The following ZNF365 variants were observed in gnomAD, a reference collection of about 807,000 sequenced individuals.
ZNF365 encodes protein ZNF365.
A neutral mutation model predicts 35.0 loss-of-function variants in ZNF365; 22 were observed. The observed-to-expected ratio is 0.63, with a 90% CI of 0.45 to 0.90. The LOEUF (loss-of-function observed/expected upper bound fraction) is 0.90. ZNF365 is among the 40% of genes least tolerant of loss of function. The pLI, the probability that ZNF365 is intolerant of heterozygous loss-of-function variation, is 0.00. For synonymous variants in ZNF365, 188 were observed against 196.2 expected (o/e 0.96, Z 0.35); for missense variants, 448 against 500.3 (o/e 0.90, Z 1.00).
intron 3 of ZNF365, among the ~76,000 whole-genome samples, chr10:62,398,410 G>A (rs1168419354): frequency 6.6e-6 from 1 of 152,150 alleles, no homozygotes; most frequent in East Asian, 1.9e-4. Flanking sequence ...GGATGCAAAG[G>A]CATTCCAGTA....
At chr10:62,415,844 G>A (rs1840065234) in intron 3 of ZNF365, among the ~76,000 whole-genome samples, 1 of 152,106 alleles carries the variant, frequency 6.6e-6, no homozygotes, top group South Asian at 2.1e-4. Flanking sequence ...ATTTGCAAAT[G>A]CCCCTAGGAA....
At position 62,451,787 on chromosome 10, in the gene ZNF365, A is replaced by G. The variant is rs116434400; in HGVS notation, c.925-7954A>G. Among the ~76,000 whole-genome samples, 1,206 of 152,272 alleles carry G rather than the reference A, an allele frequency of 7.9e-3. 16 individuals are homozygous for G. Among genetic ancestry groups the G allele is most frequent in the African/African-American group, 0.028 (1,159 of 41,540 alleles). ...GGTGCAGACCTGTAGAGGCAGCTCC[A>G]CAGCAGCATCCAGCTGACGCCACAG... On this transcript the variant is annotated intron_variant, in intron 3 of 4. Transcript: ENST00000395255.
intron 3 of ZNF365, among the ~76,000 whole-genome samples, chr10:62,449,431 G>A (rs1589459847): frequency 6.6e-6 from 1 of 152,134 alleles, no homozygotes; most frequent in East Asian, 1.9e-4. Flanking sequence ...TAAGCTATGC[G>A]CTTATTTTGC....
chr10:62,433,911 A>G (rs567279150), intron 3 of ZNF365, among the ~76,000 whole-genome samples: 10 of 152,278 alleles, frequency 6.6e-5, no homozygotes, highest in African/African-American at 2.4e-4. Context: ...AGGCTGGTAC[A>G]AGGGAAAGAA....
intron 4 of ZNF365, among the ~76,000 whole-genome samples, chr10:62,470,101 A>T (rs1438883944): frequency 6.6e-6 from 1 of 152,236 alleles, no homozygotes; most frequent in Non-Finnish European, 1.5e-5. Context: ...TTTGCCTATA[A>T]CTTTGGTTAG....
intron 3 of ZNF365, among the ~76,000 whole-genome samples, chr10:62,440,320 GGGT>G (rs1840478466): frequency 4.2e-4 from 1 of 2,406 alleles, no homozygotes; most frequent in Non-Finnish European, 6.4e-4. Context: ...ACGGGATGGG[GGGT>G]TTTTTCTACA....
chr10:62,441,243 T>C (rs969519219), intron 3 of ZNF365, among the ~76,000 whole-genome samples: 1 of 152,206 alleles, frequency 6.6e-6, no homozygotes. Flanking sequence ...TAAGGATGTC[T>C]GATTCTAAAG....
chr10:62,440,836 G>C (rs888983030), intron 3 of ZNF365, among the ~76,000 whole-genome samples: 1 of 152,120 alleles, frequency 6.6e-6, no homozygotes, highest in Non-Finnish European at 1.5e-5. Flanking sequence ...CTCAGTGCCT[G>C]GCAAAGTCCT....
At chr10:62,473,877 G>C (rs548750717) in intron 4 of ZNF365, among the ~76,000 whole-genome samples, 1 of 152,272 alleles carries the variant, frequency 6.6e-6, no homozygotes, top group Admixed American at 6.5e-5. Flanking sequence ...TTCAGTGGCT[G>C]GTTGACAGCA....
intron 3 of ZNF365, among the ~76,000 whole-genome samples, chr10:62,427,254 G>C (rs1369774255): frequency 6.6e-6 from 1 of 152,126 alleles, no homozygotes; most frequent in Non-Finnish European, 1.5e-5. Context: ...ATCTATGATG[G>C]CGGTCCCATG....
chr10:62,421,164 A>AGTCATCAACAATCTTATT (rs1184731589), intron 3 of ZNF365, among the ~76,000 whole-genome samples: 1 of 152,178 alleles, frequency 6.6e-6, no homozygotes, highest in African/African-American at 2.4e-5. Context: ...TTAATGTCTA[A>AGTCATCAACAATCTTATT]GTCATCAACA....
chr10:62,390,522 G>A (rs1284478049), intron 3 of ZNF365, among the ~76,000 whole-genome samples: 1 of 152,164 alleles, frequency 6.6e-6, no homozygotes, highest in Admixed American at 6.5e-5. Context: ...AAGAGACATA[G>A]CCAGTCATTA....
At chr10:62,392,554 A>G (rs1486802551) in intron 3 of ZNF365, among the ~76,000 whole-genome samples, 1 of 152,018 alleles carries the variant, frequency 6.6e-6, no homozygotes, top group Non-Finnish European at 1.5e-5. Context: ...GTTGTTAAGT[A>G]TTTGGCTTTA....
chr10:62,382,810 T>C (rs1839462810), intron 2 of ZNF365, among the ~76,000 whole-genome samples: 1 of 152,242 alleles, frequency 6.6e-6, no homozygotes, highest in African/African-American at 2.4e-5. Flanking sequence ...GTTGACGTTA[T>C]GGTCTGTCTG....
intron 3 of ZNF365, among the ~76,000 whole-genome samples, chr10:62,417,726 C>T (rs1305234193): frequency 1.3e-5 from 2 of 151,806 alleles, no homozygotes; most frequent in African/African-American, 4.8e-5. Context: ...TTCCAGGAAT[C>T]ACCTAGAGAG....
intron 3 of ZNF365, among the ~76,000 whole-genome samples, chr10:62,419,409 G>T (rs10822002): frequency 0.61 from 92,773 of 151,160 alleles, 29,123 homozygotes; most frequent in East Asian, 0.84. Context: ...TGAGCCAAAG[G>T]GAGGACAGCT....
chr10:62,479,290 T>C (rs529169314), intron 4 of ZNF365, among the ~76,000 whole-genome samples: 11 of 152,320 alleles, frequency 7.2e-5, no homozygotes, highest in Non-Finnish European at 1.5e-4. Context: ...ATTAGGAACA[T>C]AATCTGTCAT....
At chr10:62,417,854 G>A (rs544456763) in intron 3 of ZNF365, among the ~76,000 whole-genome samples, 106 of 151,684 alleles carry the variant, frequency 7.0e-4, no homozygotes, top group Non-Finnish European at 1.2e-3. Flanking sequence ...TGTGTGAAAG[G>A]GAAAGGGATA....
chr10:62,477,615 G>T (rs1435571781), intron 4 of ZNF365, among the ~76,000 whole-genome samples: 1 of 152,144 alleles, frequency 6.6e-6, no homozygotes. Context: ...TGCTGCATAT[G>T]ACCTCAAGTC....
Sources: allele counts gnomAD v4.1 joint callset (sites outside exome capture counted in the v4.1 genomes callset), GRCh38; gene constraint gnomAD v4.1.1; transcripts MANE v1.5; gene names NCBI Gene and HGNC (gene_info 2026-07-23, HGNC 2026-07-21).